DIP2C: variants seen among roughly 807,000 people sequenced by gnomAD.
DIP2C encodes the protein disco-interacting protein 2 homolog C.
DIP2C carries 33 observed loss-of-function variants against 192.4 expected under a neutral mutation model. The observed-to-expected ratio is 0.17, with a 90% CI of 0.13 to 0.23. DIP2C has a LOEUF of 0.23. DIP2C is among the 10% of genes least tolerant of loss of function. The pLI, the probability that DIP2C is intolerant of heterozygous loss-of-function variation, is 1.00. For synonymous variants in DIP2C, 979 were observed against 864.1 expected (o/e 1.13, Z -2.33); for missense variants, 1,537 against 2,110.1 (o/e 0.73, Z 5.32).
At chr10:597,426 C>A (rs1239382849) in intron 1 of DIP2C, among the ~76,000 whole-genome samples, 1 of 150,646 alleles carries the variant, frequency 6.6e-6, no homozygotes, top group Non-Finnish European at 1.5e-5. Context: ...TCAGAGTTTC[C>A]TTCTAGCCCC....
intron 1 of DIP2C, among the ~76,000 whole-genome samples, chr10:634,768 G>A (rs1390293743): frequency 2.7e-5 from 4 of 150,438 alleles, no homozygotes; most frequent in African/African-American, 9.9e-5. Context: ...AAAAAAAAAA[G>A]AAAAAGAAAA....
Position 429,227 on chromosome 10 carries a change from TC to T in DIP2C, c.395-6195del, listed in dbSNP as rs201237897. On this transcript the variant is annotated intron_variant, in intron 4 of 36. Transcript: ENST00000280886. ...TGCCTCCCCCCGGACCCTGGCTGCC[TC>T]CCCCCCGGACCCTGGCTGCCTCCCC... Among the ~76,000 whole-genome samples, 50 of 15,634 alleles carry T rather than the reference TC, an allele frequency of 3.2e-3. 1 individual carries two copies. The highest frequency in any genetic ancestry group is 7.0e-3 in the African/African-American group (13 of 1,870). The allele number at this position is 15,634 out of a possible 152,430, so 10.3% of individuals were successfully genotyped here. A position where few individuals can be genotyped will look rare whatever the true frequency, so the allele number is the denominator to read the frequency against.
rs144021987 is a variant in DIP2C, at chr10:331,433, C to G, written c.3585-1832G>C. ...TCTTTTCAAAAGGACACATAGCCCTCTGTGTCTGTGGGTTCCTCACCCCTG... is the reference window on the plus strand; with the variant it reads ...TCTTTTCAAAAGGACACATAGCCCTGTGTGTCTGTGGGTTCCTCACCCCTG... On this transcript the variant is annotated intron_variant, in intron 29 of 36. Transcript: ENST00000280886. 2.8e-4 allele frequency among the ~76,000 whole-genome samples: 42 copies of G among 152,310 alleles called. 1 individual carries two copies. The East Asian group carries it at 7.1e-3, about 26-fold the overall frequency.
chr10:368,583 C>A (rs1017084644), intron 18 of DIP2C, among the ~76,000 whole-genome samples: 2 of 152,226 alleles, frequency 1.3e-5, no homozygotes, highest in African/African-American at 4.8e-5. Context: ...AAAGGCGAGA[C>A]AGCTTCTGGA....
chr10:448,527 C>A (rs78718832), intron 3 of DIP2C, among the ~76,000 whole-genome samples: 3,699 of 109,108 alleles, frequency 0.034, 2 homozygotes, highest in African/African-American at 0.17. Context: ...CCCGTTGATA[C>A]TCAGGATCAC....
chr10:589,870 C>T (rs1564238764), intron 1 of DIP2C, among the ~76,000 whole-genome samples: 1 of 152,210 alleles, frequency 6.6e-6, no homozygotes, highest in Non-Finnish European at 1.5e-5. Flanking sequence ...AGGGCCACAA[C>T]ATGAGACCAA....
intron 1 of DIP2C, among the ~76,000 whole-genome samples, chr10:556,379 C>A (rs568580326): frequency 1.0e-5 from 1 of 98,620 alleles, no homozygotes; most frequent in South Asian, 3.7e-4. Flanking sequence ...CCAGGCTTGT[C>A]CTGGGCCCCG....
intron 32 of DIP2C, among the ~76,000 whole-genome samples, chr10:297,236 C>CCACA (rs1564520176): frequency 5.5e-5 from 4 of 73,354 alleles, no homozygotes; most frequent in African/African-American, 1.4e-4. Flanking sequence ...CCCCACCCCA[C>CCACA]CACATACACA....
chr10:352,501 G>C (rs575772690), intron 24 of DIP2C, among the ~76,000 whole-genome samples: 2 of 152,332 alleles, frequency 1.3e-5, no homozygotes, highest in South Asian at 2.1e-4. Context: ...CTCACAGGGT[G>C]ATTTAAATTA....
chr10:589,304 G>C (rs563576000), intron 1 of DIP2C, among the ~76,000 whole-genome samples: 1 of 152,226 alleles, frequency 6.6e-6, no homozygotes. Flanking sequence ...CAATTCCCTA[G>C]GGGTGTCTTT....
intron 1 of DIP2C, among the ~76,000 whole-genome samples, chr10:561,510 G>A (rs1260160917): frequency 6.6e-6 from 1 of 152,166 alleles, no homozygotes; most frequent in African/African-American, 2.4e-5. Flanking sequence ...GTTCCTCAAG[G>A]CTTTTGGCTG....
At chr10:550,965 G>T (rs968046804) in intron 1 of DIP2C, among the ~76,000 whole-genome samples, 2 of 152,090 alleles carry the variant, frequency 1.3e-5, no homozygotes, top group African/African-American at 2.4e-5. Context: ...GGACACTGTG[G>T]CTCTGGTACA....
intron 4 of DIP2C, among the ~76,000 whole-genome samples, chr10:424,099 G>A (rs567719719): frequency 5.9e-5 from 9 of 152,290 alleles, no homozygotes; most frequent in African/African-American, 2.2e-4. Flanking sequence ...ATTTAAGAAT[G>A]ACACTCAGAA....
At chr10:506,616 C>A (rs1019180716) in intron 1 of DIP2C, among the ~76,000 whole-genome samples, 5 of 152,202 alleles carry the variant, frequency 3.3e-5, no homozygotes, top group African/African-American at 1.2e-4. Flanking sequence ...CCCAGCAACA[C>A]GCATGCCTAC....
At chr10:379,521 T>C (rs562946318) in intron 17 of DIP2C, among the ~76,000 whole-genome samples, 1 of 152,250 alleles carries the variant, frequency 6.6e-6, no homozygotes, top group East Asian at 1.9e-4. Flanking sequence ...GACTGACTCA[T>C]AGCCCAGATG....
chr10:643,582 C>G (rs924075384), intron 1 of DIP2C, among the ~76,000 whole-genome samples: 3 of 152,236 alleles, frequency 2.0e-5, no homozygotes, highest in East Asian at 1.9e-4. Context: ...TCCACGTCAC[C>G]TGTGCTGTGC....
chr10:463,163 G>GAGAA lies in DIP2C; in HGVS notation c.268+9272_268+9275dup, dbSNP rs746932514. 7.2e-5 allele frequency among the ~76,000 whole-genome samples: 11 copies of GAGAA among 152,166 alleles called. No homozygotes were observed. In the East Asian group the frequency reaches 1.2e-3, roughly 16 times the overall value. ...GGAAGTTCTAGCCACAATCAGGCAA[G>GAGAA]AGAAAGAAAGAAAGGGTATTCAAAT... On this transcript the variant is annotated intron_variant, in intron 3 of 36. Coordinates refer to ENST00000280886, the MANE Select transcript of DIP2C (RefSeq NM_014974.3).
chr10:367,272 C>A (rs1469091685), intron 18 of DIP2C, among the ~76,000 whole-genome samples: 1 of 152,104 alleles, frequency 6.6e-6, no homozygotes, highest in African/African-American at 2.4e-5. Flanking sequence ...AAAAAAGTAG[C>A]CGGGCGCAGT....
At chr10:663,785 A>G (rs1340496420) in intron 1 of DIP2C, 1 of 152,248 alleles carries the variant, frequency 6.6e-6, no homozygotes, top group African/African-American at 2.4e-5. Context: ...GTCTCACGCC[A>G]CCACTTAAGG....
Sources: allele counts gnomAD v4.1 joint callset (sites outside exome capture counted in the v4.1 genomes callset), GRCh38; gene constraint gnomAD v4.1.1; transcripts MANE v1.5; gene names NCBI Gene and HGNC (gene_info 2026-07-23, HGNC 2026-07-21).